Variants in KIF13B observed in about 807,000 individuals in gnomAD.
The protein encoded by KIF13B is kinesin family member 13B, also known as kinesin-like protein KIF13B.
Under a neutral mutation model 222.0 loss-of-function variants are expected in KIF13B, and 127 were observed. The observed-to-expected ratio is 0.57, with a 90% CI of 0.50 to 0.66. The LOEUF (loss-of-function observed/expected upper bound fraction) is 0.66. KIF13B is among the 30% of genes least tolerant of loss of function. The pLI is 0.00. For missense variants in KIF13B, 2,173 were observed against 2,379.0 expected (o/e 0.91, Z 1.80); for synonymous variants, 976 against 919.0 (o/e 1.06, Z -1.12).
At chr8:29,201,970 ACT>A (rs1370123430) in intron 2 of KIF13B, among the ~76,000 whole-genome samples, 1 of 152,044 alleles carries the variant, frequency 6.6e-6, no homozygotes, top group African/African-American at 2.4e-5. Flanking sequence ...ACTCCAGTCA[ACT>A]CTCTGTAAGA....
At chr8:29,249,444 A>T (rs1204386160) in intron 1 of KIF13B, among the ~76,000 whole-genome samples, 3 of 151,626 alleles carry the variant, frequency 2.0e-5, no homozygotes, top group African/African-American at 4.8e-5. Flanking sequence ...AAAAAAAAAA[A>T]AAAAAAAAAG....
chr8:29,098,621 A>G (rs972736064), intron 36 of KIF13B, among the ~76,000 whole-genome samples: 1 of 150,750 alleles, frequency 6.6e-6, no homozygotes, highest in South Asian at 2.1e-4. Flanking sequence ...AAAAAAAAAG[A>G]AACTCAAGTC....
intron 34 of KIF13B, 139 bp from the exon 35 acceptor site, chr8:29,108,331 C>T: frequency 2.9e-6 from 2 of 695,474 alleles, no homozygotes; most frequent in South Asian, 1.7e-5. Flanking sequence ...ACGAAGGCTG[C>T]ACACTAGTGG....
chr8:29,120,936 A>G lies in KIF13B; in HGVS notation c.3535+1655T>C, dbSNP rs1358807523. On this transcript the variant is annotated intron_variant, in intron 29 of 39. Transcript: ENST00000524189. ...TGCATTTCTCTGATGGCCAGTGATG[A>G]TGAGCATTTCTTCATGTGTTTTTTG... Among the ~76,000 whole-genome samples, 24 of 53,866 alleles carry G rather than the reference A, an allele frequency of 4.5e-4. 2 individuals are homozygous for G. Among genetic ancestry groups the G allele is most frequent in the African/African-American group, 1.6e-3 (21 of 13,020 alleles). 35.3% of individuals were successfully genotyped at this position (53,866 alleles called of 152,430 possible).
chr8:29,128,688 A>G (rs973646880), intron 24 of KIF13B, among the ~76,000 whole-genome samples: 4 of 152,212 alleles, frequency 2.6e-5, no homozygotes, highest in African/African-American at 4.8e-5. Context: ...AGGAGAGGGA[A>G]GAAAAGGAGA....
intron 14 of KIF13B, 121 bp downstream of exon 14, chr8:29,155,605 C>T (rs1394738265): frequency 1.4e-5 from 11 of 800,382 alleles, no homozygotes; most frequent in Non-Finnish European, 1.8e-5. Flanking sequence ...AAGGGGCCCG[C>T]CCAACCAACT....
intron 2 of KIF13B, among the ~76,000 whole-genome samples, chr8:29,196,930 T>C (rs983255806): frequency 2.0e-5 from 3 of 152,196 alleles, no homozygotes; most frequent in Non-Finnish European, 2.9e-5. Context: ...GCTCAACCTG[T>C]ACTTACTGAA....
chr8:29,122,503 G>C lies in KIF13B; in HGVS notation c.3535+88C>G, dbSNP rs527556938. 21 of 1,035,014 alleles carry C rather than the reference G, an allele frequency of 2.0e-5. 2 individuals are homozygous for C. In the South Asian group the frequency reaches 2.9e-4, roughly 14 times the overall value. The allele number at this position is 1,035,014 out of a possible 1,614,324, so 64.1% of individuals were successfully genotyped here. A position where few individuals can be genotyped will look rare whatever the true frequency, so the allele number is the denominator to read the frequency against. On this transcript the variant is annotated intron_variant, in intron 29 of 39. Transcript: ENST00000524189. ...GCTCTAGCCTTAGGGGGACAGAATT[G>C]CCTCACGATGCACTTGGTTGGAATC...
chr8:29,091,013 C>T (rs182643331), intron 37 of KIF13B, among the ~76,000 whole-genome samples: 44 of 152,288 alleles, frequency 2.9e-4, no homozygotes, highest in Middle Eastern at 3.4e-3. Context: ...CCACTGCACT[C>T]GGCCATATAT....
chr8:29,153,404 T>A (rs1414891767), intron 14 of KIF13B, among the ~76,000 whole-genome samples: 1 of 152,150 alleles, frequency 6.6e-6, no homozygotes, highest in East Asian at 1.9e-4. Context: ...CCTATCAATA[T>A]AAGGAAAATT....
chr8:29,137,510 G>A (rs945974195), intron 21 of KIF13B, among the ~76,000 whole-genome samples: 10 of 152,206 alleles, frequency 6.6e-5, no homozygotes, highest in Non-Finnish European at 1.5e-5. Flanking sequence ...AAAACATGGA[G>A]ATGTTAATAT....
intron 22 of KIF13B, among the ~76,000 whole-genome samples, chr8:29,133,396 T>C (rs1422091736): frequency 2.0e-5 from 3 of 152,096 alleles, no homozygotes; most frequent in Non-Finnish European, 4.4e-5. Context: ...TGAAACCAGC[T>C]TGGCCAACAC....
chr8:29,085,809 C>A (rs1490259243), intron 37 of KIF13B, among the ~76,000 whole-genome samples: 1 of 110,476 alleles, frequency 9.1e-6, no homozygotes, highest in Non-Finnish European at 1.7e-5. Flanking sequence ...GTGATAGCAC[C>A]ATTGCACTCC....
chr8:29,073,606 T>C (rs921796761), intron 38 of KIF13B, among the ~76,000 whole-genome samples: 2 of 152,198 alleles, frequency 1.3e-5, no homozygotes, highest in Non-Finnish European at 2.9e-5. Context: ...TTTTCCGATA[T>C]TTATGGAAAA....
At chr8:29,083,942 T>C (rs573444970) in intron 37 of KIF13B, among the ~76,000 whole-genome samples, 1 of 152,152 alleles carries the variant, frequency 6.6e-6, no homozygotes, top group Admixed American at 6.6e-5. Context: ...TAAGACGGAG[T>C]TGCGCTCTGT....
intron 2 of KIF13B, among the ~76,000 whole-genome samples, chr8:29,197,591 A>G (rs552059809): frequency 7.4e-4 from 113 of 152,202 alleles, no homozygotes; most frequent in Non-Finnish European, 1.2e-3. Context: ...AGTTGCAAAC[A>G]TGCCTCTTTA....
chr8:29,213,273 G>A (rs2130485159), intron 2 of KIF13B, among the ~76,000 whole-genome samples: 1 of 152,302 alleles, frequency 6.6e-6, no homozygotes, highest in South Asian at 2.1e-4. Flanking sequence ...TTCAATAAAT[G>A]CTTGTGCTCT....
intron 10 of KIF13B, among the ~76,000 whole-genome samples, chr8:29,175,529 C>G (rs115317088): frequency 0.022 from 3,383 of 152,306 alleles, 74 homozygotes; most frequent in African/African-American, 0.053. Flanking sequence ...CTGAATCAAT[C>G]AATGAATGAA....
Position 29,188,598 on chromosome 8 carries a change from A to G in KIF13B, c.233T>C (p.Ile78Thr), listed in dbSNP as rs767296475. Residue 78 changes from isoleucine (I) to threonine (T), a missense_variant, in exon 5 of 40, where the codon ATT becomes ACT. Coordinates refer to ENST00000524189, the MANE Select transcript of KIF13B (RefSeq NM_015254.4). ...SVKEKYAGQD[I>T]VFKCLGENIL... Reference sequence around the variant, plus strand: ...ATTCTCTCCAAGGCACTTGAAAACAATATCTTGACCTGAGAGAGAGAGAAT... The same window carrying G: ...ATTCTCTCCAAGGCACTTGAAAACAGTATCTTGACCTGAGAGAGAGAGAAT... 6.8e-6 allele frequency: 11 copies of G among 1,606,304 alleles called. No individual in the cohort carries two copies. Among genetic ancestry groups the G allele is most frequent in the South Asian group, 3.3e-5 (3 of 90,638 alleles).
Sources: allele counts gnomAD v4.1 joint callset (sites outside exome capture counted in the v4.1 genomes callset), GRCh38; gene constraint gnomAD v4.1.1; transcripts MANE v1.5; gene names NCBI Gene and HGNC (gene_info 2026-07-23, HGNC 2026-07-21).